LZTS3: variants seen among roughly 807,000 people sequenced by gnomAD.
The protein encoded by LZTS3 is leucine zipper tumor suppressor family member 3, also known as leucine zipper putative tumor suppressor 3.
LZTS3 carries 16 observed loss-of-function variants against 50.9 expected under a neutral mutation model. The ratio of observed to expected loss-of-function variants is 0.31; its 90% CI spans 0.21 to 0.48. The LOEUF is 0.48. Among genes scored for constraint, LZTS3 ranks in the 20% least tolerant of loss-of-function variants. The probability of loss-of-function intolerance (pLI) is 0.99; values close to 1 mark genes in which losing one functional copy is unlikely to be tolerated. For synonymous variants in LZTS3, 408 were observed against 410.6 expected (o/e 0.99, Z 0.08); for missense variants, 816 against 931.0 (o/e 0.88, Z 1.61).
At chr20:3,169,292 C>A (rs1385485103) in intron 1 of LZTS3, among the ~76,000 whole-genome samples, 1 of 152,224 alleles carries the variant, frequency 6.6e-6, no homozygotes, top group Non-Finnish European at 1.5e-5. Flanking sequence ...CCTGCAACCC[C>A]CTCCTACCTT....
At position 3,165,986 on chromosome 20, in the gene LZTS3, A is replaced by C; in HGVS notation, c.834T>G (p.Ser278Arg). ...SGYQDLGTSD[S>R]GRASSKSGSS... ...ACCCACTCTTGCTGGAGGCCCGTCC[A>C]CTATCGGAGGTCCCCAGGTCCTGGT... The change falls in exon 4 of 5, where the codon AGT (serine) becomes AGG (arginine). Residue 278 changes from serine to arginine, a missense_variant. Physicochemically the swap from Ser to Arg is moderately radical, Grantham distance 110 (BLOSUM62 -1). Around this residue, in one of 3 missense-constraint regions of LZTS3, gnomAD observed 700 missense variants for 769.4 expected, o/e 0.91. Coordinates refer to ENST00000337576, the MANE Select transcript of LZTS3 (RefSeq NM_001365618.1). This position sits in a 1 kb window ranked among gnomAD's most constrained non-coding sequence, Gnocchi z 5.0. 6.2e-7 allele frequency: 1 copy of C among 1,613,418 alleles called. No individual in the cohort carries two copies. The highest frequency in any genetic ancestry group is 1.1e-5 in the South Asian group (1 of 91,082).
rs142377181 is a variant in LZTS3 at position 3,165,890 on chromosome 20, C to G, written c.930G>C (p.Ala310=). Residue 310 remains alanine, a synonymous_variant, in exon 4 of 5, where the codon GCG becomes GCC. Coordinates refer to ENST00000337576, the MANE Select transcript of LZTS3 (RefSeq NM_001365618.1). This position sits in a 1 kb window ranked among gnomAD's most constrained non-coding sequence, Gnocchi z 5.0. ...CACTGGGGGAGGGCGGTGAGCAGGC[C>G]GCGAAAGGCAGGCCTCCACCTCCGC... ...GEGGGGGLPF[A]ACSPPSPSAL... is the part of the protein sequence containing the mutation. The G allele has an allele frequency of 7.5e-6, 12 of 1,607,612 alleles. No individual in the cohort carries two copies. Among genetic ancestry groups the G allele is most frequent in the African/African-American group, 1.3e-5 (1 of 74,908 alleles).
chr20:3,167,095 T>A lies in LZTS3; in HGVS notation c.69A>T (p.Pro23=). 1 of 1,537,116 alleles carries A rather than the reference T, an allele frequency of 6.5e-7. No individual in the cohort carries two copies. Among genetic ancestry groups the A allele is most frequent in the Non-Finnish European group, 8.7e-7 (1 of 1,144,636 alleles). The change falls in exon 3 of 5, where the codon CCA becomes CCT. Residue 23 remains proline (P), a synonymous_variant. Transcript: ENST00000337576. The part of the protein sequence containing the change: ...PGRDPLLAFA[P]RPSELGPPDP... Reference sequence around the variant, plus strand: ...CCGGGGGTCCAAGCTCGGAGGGCCGTGGGGCAAAGGCCAGGAGAGGATCCC... The same window carrying A: ...CCGGGGGTCCAAGCTCGGAGGGCCGAGGGGCAAAGGCCAGGAGAGGATCCC...
At position 3,165,391 on chromosome 20, in the gene LZTS3, A is replaced by AT. The variant is rs760178839; in HGVS notation, c.1323+105dup. The AT allele has an allele frequency of 1.1e-5, 10 of 936,964 alleles. No individual in the cohort carries two copies. The highest frequency in any genetic ancestry group is 2.9e-5 in the Admixed American group (1 of 34,586). 58.0% of individuals were successfully genotyped at this position (936,964 alleles called of 1,614,324 possible). A position where few individuals can be genotyped will look rare whatever the true frequency, so the allele number is the denominator to read the frequency against. On this transcript the variant is annotated intron_variant, in intron 4 of 4. Coordinates refer to ENST00000337576, the MANE Select transcript of LZTS3 (RefSeq NM_001365618.1). This position sits in a 1 kb window ranked among gnomAD's most constrained non-coding sequence, Gnocchi z 5.0. ...GATTTTTGTCCCCCCTGCTCCTTTCATCCCCCCCCCCATCCCACCGTTATG... is the reference window on the plus strand; with the variant it reads ...GATTTTTGTCCCCCCTGCTCCTTTCATTCCCCCCCCCCATCCCACCGTTATG...
chr20:3,164,681 C>T lies in LZTS3; in HGVS notation c.1795G>A (p.Ala599Thr). ...TCCAGCCACACGCGGCGCTCCTCGG[C>T]GAAGCTGGCACCCTGGCGCTCCCGG... is the stretch of plus-strand genomic sequence containing the variant. ...RARERQGASF[A>T]EERRVWLEEK... Residue 599 changes from alanine (A) to threonine (T), a missense_variant, in exon 5 of 5, where the codon GCC becomes ACC. By Grantham distance (58) the Ala-to-Thr change is moderately conservative (BLOSUM62 0). This residue lies in a region of LZTS3 where 107 missense variants were observed against 130.4 expected (regional missense o/e 0.82). Transcript: ENST00000337576. 2 of 1,607,542 alleles carry T rather than the reference C, an allele frequency of 1.2e-6. No individual in the cohort carries two copies. The highest frequency in any genetic ancestry group is 1.7e-6 in the Non-Finnish European group (2 of 1,177,394).
In LZTS3 at chr20:3,170,495, A is replaced by AAAACAAAC. The variant is rs1487957351; in HGVS notation, c.-242-2535_-242-2534insGTTTGTTT. 2.3e-4 allele frequency among the ~76,000 whole-genome samples: 34 copies of AAAACAAAC among 150,430 alleles called. 1 individual carries two copies. The South Asian group carries it at 2.3e-3, about 10-fold the overall frequency. On this transcript the variant is annotated intron_variant, in intron 1 of 4. Coordinates refer to ENST00000337576, the MANE Select transcript of LZTS3 (RefSeq NM_001365618.1). ...CAGAGCGAGACTACATCAAAAAAAA[A>AAAACAAAC]AAAAAAAAAAACAGGTTGGCGCGGT...
In LZTS3 at chr20:3,165,964, C is replaced by T. The variant is rs373705140; in HGVS notation, c.856G>A (p.Gly286Arg). 3.1e-6 allele frequency: 5 copies of T among 1,613,246 alleles called. No individual in the cohort carries two copies. The highest frequency in any genetic ancestry group is 3.4e-6 in the Non-Finnish European group (4 of 1,180,026). Reference protein sequence around the residue: ...SDSGRASSKSGSSSSMGRPGH... With the variant: ...SDSGRASSKSRSSSSMGRPGH... ...GGCCGCCCCATAGATGACGACGACC[C>T]ACTCTTGCTGGAGGCCCGTCCACTA... The change falls in exon 4 of 5, where the codon GGG (glycine) becomes AGG (arginine). Residue 286 changes from glycine to arginine, a missense_variant. Gly to Arg is a moderately radical substitution (Grantham distance 125, BLOSUM62 -2). Coordinates refer to ENST00000337576, the MANE Select transcript of LZTS3 (RefSeq NM_001365618.1). This position sits in a 1 kb window ranked among gnomAD's most constrained non-coding sequence, Gnocchi z 5.0.
chr20:3,166,450 C>T (rs2066822852), intron 3 of LZTS3, 90 bp from the exon 4 acceptor site: 6 of 1,434,366 alleles, frequency 4.2e-6, no homozygotes, highest in Non-Finnish European at 5.6e-6. Context: ...TGTCCAGCCC[C>T]ACCTCCCACC....
In LZTS3 at chr20:3,164,423, CAT is replaced by C. The variant is rs755045902; in HGVS notation, c.*29_*30del. 1.7e-5 allele frequency: 25 copies of C among 1,500,736 alleles called. No individual in the cohort carries two copies. In the South Asian group the frequency reaches 2.0e-4, roughly 12 times the overall value. 93.0% of individuals were successfully genotyped at this position (1,500,736 alleles called of 1,614,324 possible). A position where few individuals can be genotyped will look rare whatever the true frequency, so the allele number is the denominator to read the frequency against. On this transcript the variant is annotated 3_prime_UTR_variant, in exon 5 of 5. Coordinates refer to ENST00000337576, the MANE Select transcript of LZTS3 (RefSeq NM_001365618.1). ...TGGGGACTCTGGCCTTTTGACAGGA[CAT>C]GTGTCAAAATGCCGAGTGCCCAGGT...
intron 2 of LZTS3, 49 bp from the exon 3 acceptor site, chr20:3,167,230 TCCCACCACC>T (rs1284351471): frequency 1.6e-5 from 23 of 1,425,010 alleles, no homozygotes; most frequent in Non-Finnish European, 2.1e-5. Context: ...CTACTCCTAT[TCCCACCACC>T]CCAGCCAAGT....
rs752745130 is a variant in LZTS3 at position 3,165,840 on chromosome 20, C to T, written c.980G>A (p.Arg327Gln). 3.7e-6 allele frequency: 6 copies of T among 1,604,432 alleles called. No individual in the cohort carries two copies. The African/African-American group carries it at 5.3e-5, about 14-fold the overall frequency. The change falls in exon 4 of 5, where the codon CGG becomes CAG. Residue 327 changes from arginine to glutamine, a missense_variant. By Grantham distance (43) the Arg-to-Gln change is conservative (BLOSUM62 1). This residue lies in a region of LZTS3 where 700 missense variants were observed against 769.4 expected (regional missense o/e 0.91). Transcript: ENST00000337576. This position sits in a 1 kb window ranked among gnomAD's most constrained non-coding sequence, Gnocchi z 5.0. ...CACCTCCTGCTCCTTCTCCCACAGCCGCTCCTCCAGCTCCTGGATGAGTGC... is the reference window on the plus strand; with the variant it reads ...CACCTCCTGCTCCTTCTCCCACAGCTGCTCCTCCAGCTCCTGGATGAGTGC... ...PSALIQELEE[R>Q]LWEKEQEVAA...
chr20:3,170,449 A>G (rs1368596336), intron 1 of LZTS3, among the ~76,000 whole-genome samples: 9 of 131,672 alleles, frequency 6.8e-5, no homozygotes, highest in African/African-American at 2.4e-4. Flanking sequence ...AGATCATGCC[A>G]CTGCACTCCA....
Position 3,163,084 on chromosome 20 carries a change from TCA to T in LZTS3, c.*1368_*1369del, listed in dbSNP as rs1286984097. On this transcript the variant is annotated 3_prime_UTR_variant, in exon 5 of 5. Transcript: ENST00000337576. This position sits in a 1 kb window ranked among gnomAD's most constrained non-coding sequence, Gnocchi z 5.2. Reference sequence around the variant, plus strand: ...CTCTCTCCACCTTGCCCCCCAAAACTCAGTCTTGGGGGTGGGAGGAAGAGAGT... The same window carrying T: ...CTCTCTCCACCTTGCCCCCCAAAACTGTCTTGGGGGTGGGAGGAAGAGAGT... 1 of 152,636 alleles carries T rather than the reference TCA, an allele frequency of 6.6e-6. No individual in the cohort carries two copies. The highest frequency in any genetic ancestry group is 1.5e-5 in the Non-Finnish European group (1 of 68,046). The allele number at this position is 152,636 out of a possible 1,614,324, so 9.5% of individuals were successfully genotyped here. A position where few individuals can be genotyped will look rare whatever the true frequency, so the allele number is the denominator to read the frequency against.
In LZTS3 at chr20:3,163,767, C is replaced by T. The variant is rs555080594; in HGVS notation, c.*687G>A. ...TCCCAAGAACAGGAGGACAGATCTT[C>T]CCTGGGTGCTGGACTTCCAGCCCCA... On this transcript the variant is annotated 3_prime_UTR_variant, in exon 5 of 5. Transcript: ENST00000337576. This position sits in a 1 kb window ranked among gnomAD's most constrained non-coding sequence, Gnocchi z 5.2. 6.6e-6 allele frequency: 1 copy of T among 152,532 alleles called. No individual in the cohort carries two copies. The highest frequency in any genetic ancestry group is 6.5e-5 in the Admixed American group (1 of 15,294). The allele number at this position is 152,532 out of a possible 1,614,324, so 9.4% of individuals were successfully genotyped here.
rs894081254 is a variant in LZTS3 at position 3,165,173 on chromosome 20, G to A, written c.1324-21C>T. The A allele has an allele frequency of 6.6e-7, 1 of 1,507,662 alleles. No individual in the cohort carries two copies. Among genetic ancestry groups the A allele is most frequent in the Non-Finnish European group, 8.9e-7 (1 of 1,126,086 alleles). 93.4% of individuals were successfully genotyped at this position (1,507,662 alleles called of 1,614,324 possible). A position where few individuals can be genotyped will look rare whatever the true frequency, so the allele number is the denominator to read the frequency against. On this transcript the variant is annotated intron_variant, in intron 4 of 4. Coordinates refer to ENST00000337576, the MANE Select transcript of LZTS3 (RefSeq NM_001365618.1). The surrounding 1 kb of genome is among the most constrained non-coding windows in gnomAD (Gnocchi z 5.0). ...CACACCTGGGCAGGAACAGGTGAGA[G>A]GAGAAGCCAGGTAAAGGCAGAGCTC... is the stretch of plus-strand genomic sequence containing the variant.
rs754846615 is a variant in LZTS3, at chr20:3,166,345, C to T, written c.475G>A (p.Val159Ile). 4 of 1,609,322 alleles carry T rather than the reference C, an allele frequency of 2.5e-6. No homozygotes were observed. Among genetic ancestry groups the T allele is most frequent in the Admixed American group, 1.7e-5 (1 of 59,724 alleles). ...ACAGGCTTGAAGGCCGACGGCCGAA[C>T]TAGTGGTTCTGAGCACTGCAGGAAA... ...GKLDQCSEPLVRPSAFKPVVP... is the reference protein window; with the variant it reads ...GKLDQCSEPLIRPSAFKPVVP... Residue 159 changes from valine (V) to isoleucine (I), a missense_variant, in exon 4 of 5, where the codon GTT becomes ATT. Around this residue, in one of 3 missense-constraint regions of LZTS3, gnomAD observed 700 missense variants for 769.4 expected, o/e 0.91. Transcript: ENST00000337576.
Position 3,164,585 on chromosome 20 carries a change from G to C in LZTS3, c.1891C>G (p.Gln631Glu), listed in dbSNP as rs1161078479. 3 of 1,611,778 alleles carry C rather than the reference G, an allele frequency of 1.9e-6. No homozygotes were observed. The highest frequency in any genetic ancestry group is 2.5e-6 in the Non-Finnish European group (3 of 1,179,050). Residue 631 changes from glutamine to glutamate, a missense_variant, in exon 5 of 5, where the codon CAG becomes GAG. Physicochemically the swap from Gln to Glu is conservative, Grantham distance 29. This residue lies in a region of LZTS3 where 107 missense variants were observed against 130.4 expected (regional missense o/e 0.82). Transcript: ENST00000337576. ...TCCCGCAGCCTGCGCTCCAGCTGCT[G>C]GTTGCGCTGGTACATCTCCACGTAG... ...LSYVEMYQRN[Q>E]QLERRLRERG...
In LZTS3 at chr20:3,166,214, C is replaced by G. The variant is rs754088854; in HGVS notation, c.606G>C (p.Lys202Asn). 6.2e-7 allele frequency: 1 copy of G among 1,613,836 alleles called. No individual in the cohort carries two copies. The highest frequency in any genetic ancestry group is 8.5e-7 in the Non-Finnish European group (1 of 1,179,874). The change falls in exon 4 of 5, where the codon AAG becomes AAC. Residue 202 changes from lysine to asparagine, a missense_variant. Coordinates refer to ENST00000337576, the MANE Select transcript of LZTS3 (RefSeq NM_001365618.1). ...GPGGLKGGLD[K>N]SRTMTPAGGS... Reference sequence around the variant, plus strand: ...CACCCGCTGGAGTCATGGTCCGAGACTTGTCCAGTCCGCCTTTGAGGCCAC... The same window carrying G: ...CACCCGCTGGAGTCATGGTCCGAGAGTTGTCCAGTCCGCCTTTGAGGCCAC...
In LZTS3 at chr20:3,162,803, C is replaced by T. The variant is rs1433594241; in HGVS notation, c.*1651G>A. The T allele has an allele frequency of 6.6e-6, 1 of 152,254 alleles. No individual in the cohort carries two copies. Among genetic ancestry groups the T allele is most frequent in the Non-Finnish European group, 1.5e-5 (1 of 67,978 alleles). 9.4% of individuals were successfully genotyped at this position (152,254 alleles called of 1,614,324 possible). A position where few individuals can be genotyped will look rare whatever the true frequency, so the allele number is the denominator to read the frequency against. On this transcript the variant is annotated 3_prime_UTR_variant, in exon 5 of 5. Transcript: ENST00000337576. This position sits in a 1 kb window ranked among gnomAD's most constrained non-coding sequence, Gnocchi z 5.0. Reference sequence around the variant, plus strand: ...TTTCTTACTAATGCCTTCTCTTCTCCCTGCCCCTGTGGCCTAGGCCCAGGT... The same window carrying T: ...TTTCTTACTAATGCCTTCTCTTCTCTCTGCCCCTGTGGCCTAGGCCCAGGT...
Sources: gnomAD v4.1 joint callset for allele counts (sites outside exome capture counted in the v4.1 genomes callset) on GRCh38, gnomAD v4.1.1 for gene constraint, gnomAD v4.1.1 regional missense constraint, Gnocchi (gnomAD v3.1) non-coding constraint, MANE v1.5 for transcripts, NCBI Gene and HGNC (gene_info 2026-07-23, HGNC 2026-07-21) for gene names.